The following FARS2 variants were observed in gnomAD, a reference collection of about 807,000 sequenced individuals.
The protein encoded by FARS2 is phenylalanyl-tRNA synthetase 2, mitochondrial, also known as phenylalanine--tRNA ligase, mitochondrial.
In FARS2, 40 loss-of-function variants were observed where a neutral mutation model predicts 46.4. The observed-to-expected ratio is 0.86, with a 90% CI of 0.67 to 1.12. FARS2 has a LOEUF of 1.12. FARS2 is among the 50% of genes most tolerant of loss of function. FARS2 has a pLI of 0.00. For synonymous variants in FARS2, 234 were observed against 214.9 expected (o/e 1.09, Z -0.78); for missense variants, 513 against 567.9 (o/e 0.90, Z 0.98).
intron 5 of FARS2, among the ~76,000 whole-genome samples, chr6:5,587,670 G>A (rs1265946813): frequency 2.0e-5 from 3 of 152,142 alleles, no homozygotes; most frequent in Admixed American, 2.0e-4. Flanking sequence ...AACCTGAAAC[G>A]AATATTTCCC....
chr6:5,692,206 G>A (rs552034205), intron 6 of FARS2, among the ~76,000 whole-genome samples: 1 of 152,334 alleles, frequency 6.6e-6, no homozygotes, highest in East Asian at 1.9e-4. Context: ...TGCACCCACT[G>A]TCCGACACTG....
intron 6 of FARS2, among the ~76,000 whole-genome samples, chr6:5,655,086 GT>G (rs1246792985): frequency 2.0e-5 from 3 of 152,196 alleles, no homozygotes; most frequent in Non-Finnish European, 4.4e-5. Flanking sequence ...GAGTAGTTAA[GT>G]TTCAGGGGAG....
At chr6:5,257,977 T>C (rs1212134010), upstream of FARS2, among the ~76,000 whole-genome samples, 3 of 152,056 alleles carry the variant, frequency 2.0e-5, no homozygotes, top group Non-Finnish European at 4.4e-5. Context: ...TGAAGAGAGT[T>C]GGGAAAACTT....
At chr6:5,474,239 A>G (rs1231618051) in intron 4 of FARS2, among the ~76,000 whole-genome samples, 1 of 152,138 alleles carries the variant, frequency 6.6e-6, no homozygotes, top group Non-Finnish European at 1.5e-5. Flanking sequence ...CGGTTTGTTC[A>G]TTTGTTTGTT....
intron 2 of FARS2, among the ~76,000 whole-genome samples, chr6:5,389,003 C>T (rs1346856243): frequency 6.6e-6 from 1 of 152,062 alleles, no homozygotes; most frequent in Non-Finnish European, 1.5e-5. Flanking sequence ...TCCGTCATAT[C>T]TGTTTATTGT....
At chr6:5,631,892 C>T (rs1395158669) in intron 6 of FARS2, among the ~76,000 whole-genome samples, 1 of 152,112 alleles carries the variant, frequency 6.6e-6, no homozygotes, top group Admixed American at 6.5e-5. Context: ...ATTAAAATTA[C>T]ACTCAACTGT....
chr6:5,341,233 A>ATG (rs1561970169), intron 1 of FARS2, among the ~76,000 whole-genome samples: 1 of 6,708 alleles, frequency 1.5e-4, no homozygotes, highest in Non-Finnish European at 3.6e-4. Context: ...ATATATATAT[A>ATG]TATTTTTTTT....
chr6:5,436,028 G>T (rs1346573162), intron 4 of FARS2, among the ~76,000 whole-genome samples: 1 of 139,998 alleles, frequency 7.1e-6, no homozygotes, highest in Non-Finnish European at 1.6e-5. Context: ...CATTGCTCCT[G>T]CTTTTGAAAA....
chr6:5,536,586 A>G lies in FARS2; in HGVS notation c.905-8594A>G, dbSNP rs1467068243. Among the ~76,000 whole-genome samples, 3 of 152,340 alleles carry G rather than the reference A, an allele frequency of 2.0e-5. No individual in the cohort carries two copies. The East Asian group carries it at 5.8e-4, about 29-fold the overall frequency. ...TACATTCTCATTCATAGCCACAAGT[A>G]CAATGAAAATCAAAATAAATATTAT... On this transcript the variant is annotated intron_variant, in intron 4 of 6. Coordinates refer to ENST00000274680, the MANE Select transcript of FARS2 (RefSeq NM_006567.5).
chr6:5,584,777 C>G (rs906159439), intron 5 of FARS2, among the ~76,000 whole-genome samples: 2 of 152,138 alleles, frequency 1.3e-5, no homozygotes, highest in African/African-American at 4.8e-5. Context: ...CTTTATTCAT[C>G]ATCTGCATGG....
chr6:5,261,216 C>A (rs1344269002), upstream of FARS2: 1 of 153,524 alleles, frequency 6.5e-6, no homozygotes, highest in Non-Finnish European at 1.4e-5. Flanking sequence ...GGGGGCAGCG[C>A]CCCTTCCTAC....
chr6:5,603,250 C>T lies in FARS2; in HGVS notation c.1066-9919C>T, dbSNP rs137919499. On this transcript the variant is annotated intron_variant, in intron 5 of 6. Coordinates refer to ENST00000274680, the MANE Select transcript of FARS2 (RefSeq NM_006567.5). ...AGCTGGGACTACAGGCATGGACCAC[C>T]AAGCCCAGCTAATTTTTGTATTTTT... 4.9e-3 allele frequency among the ~76,000 whole-genome samples: 745 copies of T among 152,316 alleles called. 5 individuals carry two copies. Among genetic ancestry groups the T allele is most frequent in the Non-Finnish European group, 8.5e-3 (579 of 68,024 alleles).
At chr6:5,412,185 G>A (rs1582029323) in intron 3 of FARS2, among the ~76,000 whole-genome samples, 1 of 152,156 alleles carries the variant, frequency 6.6e-6, no homozygotes, top group South Asian at 2.1e-4. Context: ...TGGGATTGCC[G>A]ATCGCCTGCA....
At chr6:5,761,168 G>A (rs551828402) in intron 6 of FARS2, among the ~76,000 whole-genome samples, 2 of 152,254 alleles carry the variant, frequency 1.3e-5, no homozygotes, top group African/African-American at 4.8e-5. Context: ...TCCTCTGCCA[G>A]TCTACTGACT....
chr6:5,541,195 G>A (rs1770609505), intron 4 of FARS2, among the ~76,000 whole-genome samples: 1 of 152,168 alleles, frequency 6.6e-6, no homozygotes, highest in Non-Finnish European at 1.5e-5. Context: ...GAATGGTGCT[G>A]ATCCACAAAC....
At chr6:5,383,802 T>A (rs1039401983) in intron 2 of FARS2, among the ~76,000 whole-genome samples, 1 of 152,116 alleles carries the variant, frequency 6.6e-6, no homozygotes, top group Non-Finnish European at 1.5e-5. Flanking sequence ...TTCTGTTCTT[T>A]CCCGTGGTTG....
chr6:5,313,483 C>G (rs1039882232), intron 1 of FARS2, among the ~76,000 whole-genome samples: 5 of 152,338 alleles, frequency 3.3e-5, no homozygotes, highest in Admixed American at 2.0e-4. Context: ...CAACACAGAT[C>G]TGCATTTATT....
At chr6:5,594,370 T>C (rs1774084212) in intron 5 of FARS2, among the ~76,000 whole-genome samples, 1 of 152,252 alleles carries the variant, frequency 6.6e-6, no homozygotes. Context: ...TTCTGTACTT[T>C]ATTAGAATCT....
intron 4 of FARS2, among the ~76,000 whole-genome samples, chr6:5,522,772 A>G: frequency 6.6e-6 from 1 of 152,232 alleles, no homozygotes; most frequent in Non-Finnish European, 1.5e-5. Flanking sequence ...AAAGGAATAA[A>G]AATAGAGAAA....
Sources: gnomAD v4.1 joint callset for allele counts (sites outside exome capture counted in the v4.1 genomes callset) on GRCh38, gnomAD v4.1.1 for gene constraint, MANE v1.5 for transcripts, NCBI Gene and HGNC (gene_info 2026-07-23, HGNC 2026-07-21) for gene names.